ART4: variants seen among roughly 807,000 people sequenced by gnomAD.
The protein encoded by ART4 is ecto-ADP-ribosyltransferase 4.
Under a neutral mutation model 24.2 loss-of-function variants are expected in ART4, and 14 were observed. The ratio of observed to expected loss-of-function variants is 0.58; its 90% CI spans 0.38 to 0.90. The LOEUF (loss-of-function observed/expected upper bound fraction) is 0.90, where lower values mean the gene tolerates loss of function less well. ART4 is among the 40% of genes least tolerant of loss of function. The pLI, the probability that ART4 is intolerant of heterozygous loss-of-function variation, is 0.00. For missense variants in ART4, 356 were observed against 366.6 expected (o/e 0.97, Z 0.24); for synonymous variants, 145 against 139.9 (o/e 1.04, Z -0.26).
Position 14,840,718 on chromosome 12 carries a change from AG to A in ART4, c.579del (p.Phe194LeufsTer20). 6.2e-7 allele frequency: 1 copy of A among 1,614,198 alleles called. No individual in the cohort carries two copies. The highest frequency in any genetic ancestry group is 8.5e-7 in the Non-Finnish European group (1 of 1,180,030). On this transcript the variant is annotated frameshift_variant, in exon 2 of 3. Coordinates refer to ENST00000228936, the MANE Select transcript of ART4 (RefSeq NM_021071.4). LOFTEE classifies it high-confidence loss of function. ...YEVHYRTKDV[H>X]FNAYTGATIR... is the part of the protein sequence containing the mutation. ...ATGGTGGCCCCTGTGTAGGCATTAA[AG>A]TGGACATCCTTCGTCCTATAATGCA... is the stretch of plus-strand genomic sequence containing the variant.
intron 2 of ART4, among the ~76,000 whole-genome samples, chr12:14,832,777 C>A (rs1422936244): frequency 6.6e-6 from 1 of 152,122 alleles, no homozygotes; most frequent in Non-Finnish European, 1.5e-5. Flanking sequence ...ATTCATAAGT[C>A]CTCTTTATAA....
intron 2 of ART4, among the ~76,000 whole-genome samples, chr12:14,833,383 T>C (rs1385686135): frequency 6.6e-6 from 1 of 152,218 alleles, no homozygotes; most frequent in Non-Finnish European, 1.5e-5. Flanking sequence ...AACCAGTCTA[T>C]GGAGAATATT....
At chr12:14,832,203 C>A (rs1483790059) in intron 2 of ART4, among the ~76,000 whole-genome samples, 1 of 152,176 alleles carries the variant, frequency 6.6e-6, no homozygotes, top group Non-Finnish European at 1.5e-5. Flanking sequence ...CAACTGCCTT[C>A]AAGGTCCTAT....
intron 2 of ART4, among the ~76,000 whole-genome samples, chr12:14,838,361 T>G (rs530496868): frequency 6.6e-6 from 1 of 152,304 alleles, no homozygotes; most frequent in South Asian, 2.1e-4. Context: ...CTGTAATTTT[T>G]CATTGAATAT....
chr12:14,838,605 G>A (rs892315185), intron 2 of ART4, among the ~76,000 whole-genome samples: 12 of 152,074 alleles, frequency 7.9e-5, no homozygotes, highest in Non-Finnish European at 1.8e-4. Context: ...CACTCGTTTT[G>A]CTGCCATGTT....
intron 2 of ART4, among the ~76,000 whole-genome samples, chr12:14,839,076 G>C (rs1465646692): frequency 6.6e-6 from 1 of 151,940 alleles, no homozygotes; most frequent in African/African-American, 2.4e-5. Context: ...ATTTTTCACA[G>C]TGTCATCAGA....
intron 2 of ART4, among the ~76,000 whole-genome samples, chr12:14,836,400 C>T (rs1036860235): frequency 5.9e-5 from 9 of 152,114 alleles, no homozygotes; most frequent in Admixed American, 5.2e-4. Flanking sequence ...GAGAGGGCTA[C>T]TAAGTGACTC....
chr12:14,831,449 G>C (rs1592248223), intron 2 of ART4, among the ~76,000 whole-genome samples: 1 of 151,306 alleles, frequency 6.6e-6, no homozygotes, highest in East Asian at 1.9e-4. Flanking sequence ...ATTTTTGGTA[G>C]AGACGGGGTT....
intron 1 of ART4, 170 bp from the exon 2 acceptor site, chr12:14,841,323 T>G: frequency 1.8e-6 from 1 of 568,068 alleles, no homozygotes; most frequent in South Asian, 3.2e-5. Flanking sequence ...ATCAATGACC[T>G]GTGCTAGAGA....
chr12:14,829,926 T>C (rs1245934156), intron 2 of ART4, among the ~76,000 whole-genome samples: 1 of 152,214 alleles, frequency 6.6e-6, no homozygotes, highest in Non-Finnish European at 1.5e-5. Flanking sequence ...CTTGATGAGA[T>C]TGTGACACAG....
rs1427027312 is a variant in ART4, at chr12:14,829,425, A to G, written c.891T>C (p.Ile297=). Residue 297 remains isoleucine, a synonymous_variant, in exon 3 of 3, where the codon ATT becomes ATC. Coordinates refer to ENST00000228936, the MANE Select transcript of ART4 (RefSeq NM_021071.4). Reference sequence around the variant, plus strand: ...CACTGGTCAAAAAGGAGAGAGATGCAATAGCTATAGGATCAGGGATGCATT... The same window carrying G: ...CACTGGTCAAAAAGGAGAGAGATGCGATAGCTATAGGATCAGGGATGCATT... ...SKKCIPDPIA[I]ASLSFLTSVI... 6 of 1,610,192 alleles carry G rather than the reference A, an allele frequency of 3.7e-6. No homozygotes were observed. The highest frequency in any genetic ancestry group is 5.1e-6 in the Non-Finnish European group (6 of 1,178,674).
chr12:14,829,408 A>G lies in ART4; in HGVS notation c.908T>C (p.Leu303Ser), dbSNP rs373731978. ...DPIAIASLSF[L>S]TSVIIFSKSR... is the part of the protein sequence containing the mutation. Reference sequence around the variant, plus strand: ...TTTGGAAAAGATGATGACACTGGTCAAAAAGGAGAGAGATGCAATAGCTAT... The same window carrying G: ...TTTGGAAAAGATGATGACACTGGTCGAAAAGGAGAGAGATGCAATAGCTAT... The change falls in exon 3 of 3, where the codon TTG (leucine) becomes TCG (serine). Residue 303 changes from leucine to serine, a missense_variant. Coordinates refer to ENST00000228936, the MANE Select transcript of ART4 (RefSeq NM_021071.4). 31 of 1,608,594 alleles carry G rather than the reference A, an allele frequency of 1.9e-5. No individual in the cohort carries two copies. The highest frequency in any genetic ancestry group is 2.5e-5 in the Non-Finnish European group (30 of 1,177,986).
At position 14,828,337 on chromosome 12, in the gene ART4, T is replaced by G. The variant is rs1453401790; in HGVS notation, c.*1034A>C. On this transcript the variant is annotated 3_prime_UTR_variant, in exon 3 of 3. Coordinates refer to ENST00000228936, the MANE Select transcript of ART4 (RefSeq NM_021071.4). ...TGAATTAACATATGAGTTTAAATTT[T>G]AACTTTTGTAATGTCTTAGGAACAT... is the stretch of plus-strand genomic sequence containing the variant. 6.6e-6 allele frequency: 1 copy of G among 152,250 alleles called. No individual in the cohort carries two copies. Among genetic ancestry groups the G allele is most frequent in the Non-Finnish European group, 1.5e-5 (1 of 68,044 alleles). 9.4% of individuals were successfully genotyped at this position (152,250 alleles called of 1,614,324 possible).
At chr12:14,832,760 CA>C (rs1019852336) in intron 2 of ART4, among the ~76,000 whole-genome samples, 2 of 152,018 alleles carry the variant, frequency 1.3e-5, no homozygotes, top group African/African-American at 4.8e-5. Flanking sequence ...AGTCATTCTT[CA>C]AAAAAATTCA....
At chr12:14,833,184 G>A (rs1344319968) in intron 2 of ART4, among the ~76,000 whole-genome samples, 1 of 152,156 alleles carries the variant, frequency 6.6e-6, no homozygotes, top group Non-Finnish European at 1.5e-5. Context: ...AATAAAATAA[G>A]TTAGAATAGA....
At chr12:14,833,946 A>C (rs904183899) in intron 2 of ART4, among the ~76,000 whole-genome samples, 19 of 152,154 alleles carry the variant, frequency 1.2e-4, no homozygotes, top group African/African-American at 4.3e-4. Flanking sequence ...TCTTACTATC[A>C]ATTTCACTGA....
rs1336314706 is a variant in ART4, at chr12:14,825,916, C to T, written c.*3455G>A. On this transcript the variant is annotated 3_prime_UTR_variant, in exon 3 of 3. Coordinates refer to ENST00000228936, the MANE Select transcript of ART4 (RefSeq NM_021071.4). Reference sequence around the variant, plus strand: ...TTTTTCCTGTTTCAATCAGCTTCTTCAGATTAAACAGTATATTTCTGTACA... The same window carrying T: ...TTTTTCCTGTTTCAATCAGCTTCTTTAGATTAAACAGTATATTTCTGTACA... 1.3e-5 allele frequency: 2 copies of T among 152,254 alleles called. No homozygotes were observed. Among genetic ancestry groups the T allele is most frequent in the African/African-American group, 4.8e-5 (2 of 41,544 alleles). 9.4% of individuals were successfully genotyped at this position (152,254 alleles called of 1,614,324 possible).
chr12:14,838,079 A>C (rs146328529), intron 2 of ART4, among the ~76,000 whole-genome samples: 1 of 152,274 alleles, frequency 6.6e-6, no homozygotes, highest in Non-Finnish European at 1.5e-5. Flanking sequence ...GATTCCCTTA[A>C]GTGTGATTGG....
Position 14,840,473 on chromosome 12 carries a change from C to T in ART4, c.825G>A (p.Leu275=), listed in dbSNP as rs778044008. The T allele has an allele frequency of 1.5e-5, 25 of 1,613,062 alleles. No individual in the cohort carries two copies. In the East Asian group the frequency reaches 4.7e-4, roughly 30 times the overall value. The change falls in exon 2 of 3, where the codon CTG becomes CTA. Residue 275 remains leucine (L), a synonymous_variant. Transcript: ENST00000228936. ...DWLQLRSTGN[L]STYNCQLLKA... ...TTAGCAGCTGACAGTTATATGTGCT[C>T]AGGTTCCCAGTTGACCTCAACTGCA...
Sources: allele counts gnomAD v4.1 joint callset (sites outside exome capture counted in the v4.1 genomes callset), GRCh38; gene constraint gnomAD v4.1.1; transcripts MANE v1.5; gene names NCBI Gene and HGNC (gene_info 2026-07-23, HGNC 2026-07-21).